The following TYW1B variants were observed in gnomAD, a reference collection of about 807,000 sequenced individuals.
TYW1B encodes S-adenosyl-L-methionine-dependent tRNA 4-demethylwyosine synthase TYW1B.
TYW1B carries 73 observed loss-of-function variants against 86.9 expected under a neutral mutation model. The ratio of observed to expected loss-of-function variants is 0.84; its 90% CI spans 0.70 to 1.02. TYW1B has a LOEUF of 1.02. TYW1B is among the 50% of genes least tolerant of loss of function. The pLI is 0.00. For synonymous variants in TYW1B, 248 were observed against 292.8 expected, an observed-to-expected ratio of 0.85 and a Z score of 1.56; for missense variants, 637 against 827.4, an observed-to-expected ratio of 0.77 and a Z score of 2.82.
At chr7:72,649,715 T>C (rs1463629346) in intron 11 of TYW1B, among the ~76,000 whole-genome samples, 1 of 152,126 alleles carries the variant, frequency 6.6e-6, no homozygotes, top group African/African-American at 2.4e-5. Flanking sequence ...TAAAGGAATA[T>C]AGGGCAGCCC....
chr7:72,786,600 G>A (rs868930320), intron 6 of TYW1B, among the ~76,000 whole-genome samples: 10 of 143,366 alleles, frequency 7.0e-5, no homozygotes, highest in Admixed American at 1.4e-4. Flanking sequence ...TTTTGAGATA[G>A]GGTCTCGCTC....
chr7:72,809,121 C>A (rs1442317066), intron 4 of TYW1B, among the ~76,000 whole-genome samples: 9 of 148,448 alleles, frequency 6.1e-5, no homozygotes, highest in Non-Finnish European at 1.0e-4. Context: ...CGGCTCACTG[C>A]AATCTCCGCC....
intron 11 of TYW1B, among the ~76,000 whole-genome samples, chr7:72,637,934 C>T (rs550912721): frequency 6.6e-6 from 1 of 151,724 alleles, no homozygotes; most frequent in Admixed American, 6.6e-5. Flanking sequence ...CAATCAAGTA[C>T]TGGCCTATTG....
At chr7:72,810,741 A>T (rs1788594970) in intron 3 of TYW1B, 76 bp from the exon 4 acceptor site, 1 of 1,507,176 alleles carries the variant, frequency 6.6e-7, no homozygotes, top group South Asian at 1.3e-5. Context: ...CTTTGAAAAA[A>T]AGCATACTCA....
At chr7:72,674,814 C>G (rs1185561578) in intron 11 of TYW1B, among the ~76,000 whole-genome samples, 1 of 138,238 alleles carries the variant, frequency 7.2e-6, no homozygotes, top group African/African-American at 2.7e-5. Flanking sequence ...CCAGGCTAGT[C>G]TCAAACTCCT....
At chr7:72,765,522 G>A (rs567246360) in intron 7 of TYW1B, among the ~76,000 whole-genome samples, 1 of 152,270 alleles carries the variant, frequency 6.6e-6, no homozygotes, top group African/African-American at 2.4e-5. Flanking sequence ...CTGGAGTGCA[G>A]TGGTGCGATC....
intron 11 of TYW1B, among the ~76,000 whole-genome samples, chr7:72,665,766 T>C (rs1554445163): frequency 3.3e-5 from 5 of 152,238 alleles, no homozygotes; most frequent in Admixed American, 2.6e-4. Context: ...TATCTGCCTA[T>C]TTGCTTGTCC....
At chr7:72,825,683 A>C (rs71554654) in intron 2 of TYW1B, among the ~76,000 whole-genome samples, 1 of 152,306 alleles carries the variant, frequency 6.6e-6, no homozygotes, top group South Asian at 2.1e-4. Context: ...GTCTCAAAAA[A>C]CAAAATAAAA....
intron 11 of TYW1B, among the ~76,000 whole-genome samples, chr7:72,660,307 G>A (rs1203321354): frequency 2.6e-5 from 4 of 152,128 alleles, no homozygotes; most frequent in African/African-American, 7.2e-5. Context: ...CCAGGAGATC[G>A]AGGCTGCAGT....
intron 13 of TYW1B, among the ~76,000 whole-genome samples, chr7:72,598,609 T>G (rs1811588453): frequency 6.6e-6 from 1 of 152,128 alleles, no homozygotes; most frequent in Non-Finnish European, 1.5e-5. Context: ...GAAGAAAAAT[T>G]CATTTTGTCC....
chr7:72,734,268 A>AAAAAC lies in TYW1B; in HGVS notation c.1083-5338_1083-5337insGTTTT, dbSNP rs56806378. Among the ~76,000 whole-genome samples the AAAAAC allele has an allele frequency of 1.3e-4, 13 of 98,096 alleles. 1 individual carries two copies. Among genetic ancestry groups the AAAAAC allele is most frequent in the African/African-American group, 3.9e-4 (11 of 28,220 alleles). 64.4% of individuals were successfully genotyped at this position (98,096 alleles called of 152,430 possible). On this transcript the variant is annotated intron_variant, in intron 8 of 13. Transcript: ENST00000620995. The stretch of plus-strand genomic sequence containing the variant: ...TTAAAACTCCATCTCAAAAAAAAAA[A>AAAAAC]ACACAACAAAAAAACTATAAACCTA...
intron 7 of TYW1B, among the ~76,000 whole-genome samples, chr7:72,773,764 T>C: frequency 6.6e-6 from 1 of 152,068 alleles, no homozygotes; most frequent in Non-Finnish European, 1.5e-5. Flanking sequence ...GACACAGTGA[T>C]AGAAACTATC....
At chr7:72,594,417 A>G (rs1811478351) in intron 13 of TYW1B, among the ~76,000 whole-genome samples, 1 of 152,188 alleles carries the variant, frequency 6.6e-6, no homozygotes, top group African/African-American at 2.4e-5. Flanking sequence ...TGAAATAGAC[A>G]AATTCCTAGA....
chr7:72,702,287 A>G (rs1184710929), intron 10 of TYW1B, among the ~76,000 whole-genome samples: 2 of 152,152 alleles, frequency 1.3e-5, no homozygotes, highest in African/African-American at 2.4e-5. Flanking sequence ...TATAATGACA[A>G]TTTCCCAGGA....
intron 2 of TYW1B, 147 bp from the exon 3 acceptor site, chr7:72,815,628 C>G (rs1788708962): frequency 1.5e-6 from 1 of 675,694 alleles, no homozygotes; most frequent in East Asian, 2.8e-5. Context: ...CGCACTCTTA[C>G]CATTTTCTTG....
chr7:72,759,719 C>A (rs576250425), intron 7 of TYW1B, among the ~76,000 whole-genome samples: 1 of 152,238 alleles, frequency 6.6e-6, no homozygotes, highest in South Asian at 2.1e-4. Context: ...GGCATTCCAG[C>A]CAAGATATTC....
At chr7:72,610,108 T>G (rs1811898937) in intron 13 of TYW1B, among the ~76,000 whole-genome samples, 1 of 152,172 alleles carries the variant, frequency 6.6e-6, no homozygotes, top group Non-Finnish European at 1.5e-5. Context: ...TCATAACAAA[T>G]AGAACTGCTA....
At chr7:72,679,627 G>A (rs1813820435) in intron 11 of TYW1B, among the ~76,000 whole-genome samples, 1 of 152,170 alleles carries the variant, frequency 6.6e-6, no homozygotes, top group African/African-American at 2.4e-5. Flanking sequence ...GGTGGTAATA[G>A]TTGCATATAA....
At chr7:72,599,381 A>G (rs1554433243) in intron 13 of TYW1B, among the ~76,000 whole-genome samples, 1 of 152,220 alleles carries the variant, frequency 6.6e-6, no homozygotes, top group East Asian at 1.9e-4. Flanking sequence ...ACAGAAGGGA[A>G]CTTTCTCAAC....
Sources: allele counts gnomAD v4.1 joint callset (sites outside exome capture counted in the v4.1 genomes callset), GRCh38; gene constraint gnomAD v4.1.1; transcripts MANE v1.5; gene names NCBI Gene and HGNC (gene_info 2026-07-23, HGNC 2026-07-21).